NRG3: variants seen among roughly 807,000 people sequenced by gnomAD.
NRG3 encodes the protein neuregulin 3.
Under a neutral mutation model 66.9 loss-of-function variants are expected in NRG3, and 31 were observed. The ratio of observed to expected loss-of-function variants is 0.46; its 90% CI spans 0.35 to 0.63. The LOEUF (loss-of-function observed/expected upper bound fraction) is 0.63. Among genes scored for constraint, NRG3 ranks in the 20% least tolerant of loss-of-function variants. The probability of loss-of-function intolerance (pLI) is 0.00; values close to 1 mark genes in which losing one functional copy is unlikely to be tolerated. For missense variants in NRG3, 910 were observed against 878.9 expected (o/e 1.04, Z -0.45); for synonymous variants, 393 against 359.4 (o/e 1.09, Z -1.06).
At chr10:82,720,554 A>G (rs2057233825) in intron 2 of NRG3, among the ~76,000 whole-genome samples, 1 of 152,090 alleles carries the variant, frequency 6.6e-6, no homozygotes, top group East Asian at 1.9e-4. Flanking sequence ...TGTGCCCTAG[A>G]ACACCGAGGT....
chr10:81,949,004 G>A (rs1849094371), intron 1 of NRG3, among the ~76,000 whole-genome samples: 1 of 152,076 alleles, frequency 6.6e-6, no homozygotes, highest in African/African-American at 2.4e-5. Context: ...CAGGGAGTAT[G>A]GACAACTTTA....
chr10:82,018,879 A>C (rs938684652), intron 1 of NRG3, among the ~76,000 whole-genome samples: 30 of 152,182 alleles, frequency 2.0e-4, no homozygotes, highest in Non-Finnish European at 1.3e-4. Context: ...TGTCATCTGC[A>C]AACAGGGACA....
chr10:82,188,508 G>T (rs1341985080), intron 1 of NRG3, among the ~76,000 whole-genome samples: 2 of 152,058 alleles, frequency 1.3e-5, no homozygotes, highest in Admixed American at 1.3e-4. Flanking sequence ...ACAAAGTGGA[G>T]AGATAACCCA....
At chr10:82,726,984 C>A (rs1359771182) in intron 2 of NRG3, among the ~76,000 whole-genome samples, 1 of 152,128 alleles carries the variant, frequency 6.6e-6, no homozygotes, top group Non-Finnish European at 1.5e-5. Context: ...CATTTTTCCC[C>A]TTCCCTAGAT....
chr10:82,603,033 A>C (rs2047729109), intron 2 of NRG3, among the ~76,000 whole-genome samples: 1 of 152,224 alleles, frequency 6.6e-6, no homozygotes, highest in African/African-American at 2.4e-5. Context: ...TGGTAAATGT[A>C]ACTAGCCCTT....
chr10:82,668,567 A>G (rs1305576906), intron 2 of NRG3, among the ~76,000 whole-genome samples: 1 of 152,150 alleles, frequency 6.6e-6, no homozygotes, highest in Non-Finnish European at 1.5e-5. Context: ...TGTAATCTTA[A>G]TATAATATTT....
intron 2 of NRG3, among the ~76,000 whole-genome samples, chr10:82,421,131 C>A (rs892882693): frequency 1.3e-5 from 2 of 152,040 alleles, no homozygotes; most frequent in Non-Finnish European, 2.9e-5. Context: ...ATATTACTGA[C>A]TGTTAAATAA....
At chr10:82,127,492 C>G (rs569981607) in intron 1 of NRG3, among the ~76,000 whole-genome samples, 1 of 152,148 alleles carries the variant, frequency 6.6e-6, no homozygotes, top group East Asian at 1.9e-4. Context: ...TTGGTTCTCT[C>G]TCTCTCTTAT....
chr10:81,886,318 T>C (rs1450150304), intron 1 of NRG3, among the ~76,000 whole-genome samples: 1 of 152,324 alleles, frequency 6.6e-6, no homozygotes, highest in Admixed American at 6.5e-5. Context: ...TTATGCTGAT[T>C]GTTTTTGTTA....
At chr10:82,790,052 A>T (rs191871616) in intron 3 of NRG3, among the ~76,000 whole-genome samples, 6 of 152,230 alleles carry the variant, frequency 3.9e-5, no homozygotes, top group African/African-American at 1.2e-4. Flanking sequence ...ATATGACTTT[A>T]TGCATCATAA....
At position 82,800,128 on chromosome 10, in the gene NRG3, T is replaced by C. The variant is rs183953789; in HGVS notation, c.1027+61478T>C. Among the ~76,000 whole-genome samples, 588 of 152,334 alleles carry C rather than the reference T, an allele frequency of 3.9e-3. 4 individuals carry two copies. Among genetic ancestry groups the C allele is most frequent in the Non-Finnish European group, 5.4e-3 (365 of 68,024 alleles). ...CTGACTCTCTTGTGCTTGAATCTTA[T>C]TTCTCGGTTTTCTGTCTCTATCGCC... On this transcript the variant is annotated intron_variant, in intron 3 of 8. Coordinates refer to ENST00000372141, the MANE Select transcript of NRG3 (RefSeq NM_001010848.4).
chr10:82,346,050 C>G (rs1442501659), intron 1 of NRG3, among the ~76,000 whole-genome samples: 1 of 151,088 alleles, frequency 6.6e-6, no homozygotes, highest in Non-Finnish European at 1.5e-5. Context: ...ATTGAATACC[C>G]TTTATTTCCT....
At chr10:82,897,370 C>A (rs902933467) in intron 4 of NRG3, among the ~76,000 whole-genome samples, 1 of 152,122 alleles carries the variant, frequency 6.6e-6, no homozygotes, top group Non-Finnish European at 1.5e-5. Context: ...AGGTAAAATA[C>A]ATTGTTCCAT....
chr10:82,418,665 A>G (rs2088814027), intron 2 of NRG3, among the ~76,000 whole-genome samples: 1 of 152,102 alleles, frequency 6.6e-6, no homozygotes, highest in Non-Finnish European at 1.5e-5. Context: ...CAGCAGTTTG[A>G]TCATAGCTTA....
At chr10:82,724,885 C>T (rs574045632) in intron 2 of NRG3, among the ~76,000 whole-genome samples, 7 of 152,292 alleles carry the variant, frequency 4.6e-5, no homozygotes, top group Non-Finnish European at 1.0e-4. Flanking sequence ...TCTTTTCATT[C>T]TTCCTGATCA....
chr10:82,181,857 GGTTCTACT>G (rs1489415405), intron 1 of NRG3, among the ~76,000 whole-genome samples: 1 of 151,712 alleles, frequency 6.6e-6, no homozygotes, highest in African/African-American at 2.4e-5. Flanking sequence ...GGTATTGAAA[GGTTCTACT>G]GTTATTGTGT....
In NRG3 at chr10:82,973,647, A is replaced by G. The variant is rs907004552; in HGVS notation, c.1285-141A>G. The G allele has an allele frequency of 4.8e-6, 4 of 836,682 alleles. No individual in the cohort carries two copies. The East Asian group carries it at 1.0e-4, about 21-fold the overall frequency. The allele number at this position is 836,682 out of a possible 1,614,324, so 51.8% of individuals were successfully genotyped here. On this transcript the variant is annotated intron_variant, in intron 6 of 8. Coordinates refer to ENST00000372141, the MANE Select transcript of NRG3 (RefSeq NM_001010848.4). ...TCAATGTATTGGAAACAGGACACAAATTATGTCTTATCTCCTGCTCCTCTA... is the reference window on the plus strand; with the variant it reads ...TCAATGTATTGGAAACAGGACACAAGTTATGTCTTATCTCCTGCTCCTCTA...
At chr10:82,456,357 G>A (rs2136654751) in intron 2 of NRG3, among the ~76,000 whole-genome samples, 1 of 151,972 alleles carries the variant, frequency 6.6e-6, no homozygotes, top group African/African-American at 2.4e-5. Context: ...GGTAGAGAAA[G>A]GGTCTCCCTG....
chr10:81,958,395 A>G (rs1850041250), intron 1 of NRG3, among the ~76,000 whole-genome samples: 3 of 152,218 alleles, frequency 2.0e-5, no homozygotes, highest in African/African-American at 7.2e-5. Flanking sequence ...GTTATATTGT[A>G]ATACTGAAAA....
Sources: allele counts gnomAD v4.1 joint callset (sites outside exome capture counted in the v4.1 genomes callset), GRCh38; gene constraint gnomAD v4.1.1; transcripts MANE v1.5; gene names NCBI Gene and HGNC (gene_info 2026-07-23, HGNC 2026-07-21).